TANC2: variants seen among roughly 807,000 people sequenced by gnomAD.
TANC2 encodes the protein protein TANC2.
TANC2 carries 26 observed loss-of-function variants against 210.5 expected under a neutral mutation model. The ratio of observed to expected loss-of-function variants is 0.12; its 90% CI spans 0.09 to 0.17. The LOEUF is 0.17. TANC2 is among the 10% of genes least tolerant of loss of function. The pLI is 1.00. For missense variants in TANC2, 2,129 were observed against 2,608.9 expected (o/e 0.82, Z 4.01); for synonymous variants, 931 against 967.1 (o/e 0.96, Z 0.69).
At chr17:63,345,619 C>CAAA (rs752643075) in intron 12 of TANC2, among the ~76,000 whole-genome samples, 1,691 of 86,480 alleles carry the variant, frequency 0.02, 57 homozygotes, top group African/African-American at 0.063. Flanking sequence ...AATTCTGTCT[C>CAAA]AAAAAAAAAA....
chr17:63,121,003 C>CGT (rs2038454119), intron 4 of TANC2, among the ~76,000 whole-genome samples: 1 of 151,828 alleles, frequency 6.6e-6, no homozygotes, highest in Non-Finnish European at 1.5e-5. Flanking sequence ...GAAACTTAAA[C>CGT]ATGTTGTCCT....
At chr17:63,351,265 A>G in exon 13 of TANC2, 1 of 1,605,706 alleles carries the variant, frequency 6.2e-7, no homozygotes, top group Non-Finnish European at 8.5e-7. Flanking sequence ...AAAATCCCAG[A>G]TGAAGATTTC....
At chr17:63,134,532 G>A (rs1274363938) in intron 4 of TANC2, among the ~76,000 whole-genome samples, 1 of 152,126 alleles carries the variant, frequency 6.6e-6, no homozygotes, top group Non-Finnish European at 1.5e-5. Context: ...TTCTGTTCCA[G>A]GGTAACTTGG....
intron 1 of TANC2, among the ~76,000 whole-genome samples, chr17:63,007,354 CCTTT>C (rs1170823686): frequency 6.6e-6 from 1 of 152,108 alleles, no homozygotes; most frequent in Non-Finnish European, 1.5e-5. Flanking sequence ...AGTGATGCCA[CCTTT>C]CTTTTTGTTG....
At chr17:63,123,111 G>T (rs532082881) in intron 4 of TANC2, among the ~76,000 whole-genome samples, 9 of 152,294 alleles carry the variant, frequency 5.9e-5, no homozygotes, top group South Asian at 4.1e-4. Context: ...TGACTGGCCA[G>T]CTATAGAGTA....
intron 5 of TANC2, among the ~76,000 whole-genome samples, chr17:63,162,832 G>C (rs1490705222): frequency 6.6e-6 from 1 of 152,036 alleles, no homozygotes; most frequent in Non-Finnish European, 1.5e-5. Context: ...AATGTGTTCC[G>C]AGAGTGAATG....
At chr17:63,191,162 A>G (rs1374205295) in intron 5 of TANC2, among the ~76,000 whole-genome samples, 2 of 151,976 alleles carry the variant, frequency 1.3e-5, no homozygotes, top group East Asian at 3.9e-4. Flanking sequence ...TGCAGAATCA[A>G]CGTACACTAA....
rs2034820922 is a variant in TANC2, at chr17:63,032,686, C to G, written c.67+23060C>G. ...GTGCTTGCTAGAGCTACTGGAGATACAGCAGTGCTATATATCAGATCACTA... is the reference window on the plus strand; with the variant it reads ...GTGCTTGCTAGAGCTACTGGAGATAGAGCAGTGCTATATATCAGATCACTA... On this transcript the variant is annotated intron_variant, in intron 2 of 27. Transcript: ENST00000689528. Among the ~76,000 whole-genome samples, 4 of 152,280 alleles carry G rather than the reference C, an allele frequency of 2.6e-5. No homozygotes were observed. The South Asian group carries it at 8.3e-4, about 32-fold the overall frequency.
chr17:63,211,487 A>G (rs2041883234), intron 7 of TANC2, among the ~76,000 whole-genome samples: 1 of 151,978 alleles, frequency 6.6e-6, no homozygotes, highest in South Asian at 2.1e-4. Flanking sequence ...TAGAGGAGAT[A>G]ATAGATTATC....
At chr17:63,109,525 A>G (rs746210911) in intron 4 of TANC2, among the ~76,000 whole-genome samples, 2 of 151,734 alleles carry the variant, frequency 1.3e-5, no homozygotes, top group African/African-American at 4.9e-5. Flanking sequence ...ATAGAAATCA[A>G]AGATCTCCAA....
chr17:63,269,159 A>G (rs2043620301), intron 9 of TANC2, among the ~76,000 whole-genome samples: 1 of 152,138 alleles, frequency 6.6e-6, no homozygotes, highest in Admixed American at 6.6e-5. Flanking sequence ...TTTTAAAATA[A>G]TTGATTGTAT....
At chr17:63,347,337 T>C (rs1329755145) in intron 12 of TANC2, among the ~76,000 whole-genome samples, 2 of 152,172 alleles carry the variant, frequency 1.3e-5, no homozygotes, top group Non-Finnish European at 2.9e-5. Flanking sequence ...GGTTTCCTAT[T>C]GAGGACTGAC....
In TANC2 at chr17:63,175,531, G is replaced by T. The variant is rs8081229; in HGVS notation, c.434-18460G>T. On this transcript the variant is annotated intron_variant, in intron 5 of 27. Coordinates refer to ENST00000689528, the Ensembl canonical transcript of TANC2. The stretch of plus-strand genomic sequence containing the variant: ...GACGGAGTGAGACCCTGTCTCCCCC[G>T]CCAAAAAAAAAAAAAAAAAAAAAAG... Among the ~76,000 whole-genome samples the T allele has an allele frequency of 2.8e-4, 33 of 119,012 alleles. 1 individual carries two copies. Among genetic ancestry groups the T allele is most frequent in the African/African-American group, 9.2e-4 (30 of 32,672 alleles). The allele number at this position is 119,012 out of a possible 152,430, so 78.1% of individuals were successfully genotyped here. A position where few individuals can be genotyped will look rare whatever the true frequency, so the allele number is the denominator to read the frequency against.
rs1033629339 is a variant in TANC2 at position 63,413,730 on chromosome 17, G to A, written c.4020+96G>A. 291 of 1,155,688 alleles carry A rather than the reference G, an allele frequency of 2.5e-4. 1 individual carries two copies. Among genetic ancestry groups the A allele is most frequent in the African/African-American group, 3.2e-4 (21 of 64,988 alleles). 71.6% of individuals were successfully genotyped at this position (1,155,688 alleles called of 1,614,324 possible). On this transcript the variant is annotated intron_variant, in intron 25 of 27. Transcript: ENST00000689528. Reference sequence around the variant, plus strand: ...AGTCTTGATAATTCTCATCCTTTGCGTAGAGGCAAAGGGAAACTACTGTTC... The same window carrying A: ...AGTCTTGATAATTCTCATCCTTTGCATAGAGGCAAAGGGAAACTACTGTTC...
intron 2 of TANC2, among the ~76,000 whole-genome samples, chr17:63,037,305 C>G (rs1047425171): frequency 6.6e-6 from 1 of 151,968 alleles, no homozygotes; most frequent in Non-Finnish European, 1.5e-5. Flanking sequence ...ACATCCTGAG[C>G]AGGATGGCTT....
chr17:63,394,454 A>G (rs535243009), intron 17 of TANC2, among the ~76,000 whole-genome samples: 1 of 152,316 alleles, frequency 6.6e-6, no homozygotes, highest in African/African-American at 2.4e-5. Flanking sequence ...CCAAGGAGCC[A>G]TGGTTTCTTT....
chr17:63,099,200 T>C (rs957239518), exon 4 of TANC2: 2 of 1,608,470 alleles, frequency 1.2e-6, no homozygotes, highest in Admixed American at 1.7e-5. Flanking sequence ...AAAGCGACTG[T>C]GCTTTTGAGC....
chr17:63,098,461 CACACACACACACACACACATACA>C (rs2037478489), intron 3 of TANC2, among the ~76,000 whole-genome samples: 1 of 56,434 alleles, frequency 1.8e-5, no homozygotes, highest in Non-Finnish European at 4.0e-5. Flanking sequence ...CACACACACA[CACACACACACACACACACATACA>C]CTCTCTCTCT....
intron 14 of TANC2, among the ~76,000 whole-genome samples, chr17:63,365,890 C>T (rs2047095676): frequency 6.6e-6 from 1 of 151,996 alleles, no homozygotes; most frequent in African/African-American, 2.4e-5. Context: ...CTTTTTACCT[C>T]CTTTCTAACA....
Sources: allele counts gnomAD v4.1 joint callset (sites outside exome capture counted in the v4.1 genomes callset), GRCh38; gene constraint gnomAD v4.1.1; transcripts MANE v1.5; gene names NCBI Gene and HGNC (gene_info 2026-07-23, HGNC 2026-07-21).